The following SPAG16 variants were observed in gnomAD, a reference collection of about 807,000 sequenced individuals.
The protein encoded by SPAG16 is sperm-associated antigen 16 protein.
A neutral mutation model predicts 80.4 loss-of-function variants in SPAG16; 86 were observed. The observed-to-expected ratio is 1.07, with a 90% CI of 0.90 to 1.28. SPAG16 has a LOEUF of 1.28. Among genes scored for constraint, SPAG16 ranks in the 50% most tolerant of loss-of-function variants. The pLI is 0.00. For missense variants in SPAG16, 870 were observed against 765.3 expected (o/e 1.14, Z -1.61); for synonymous variants, 294 against 265.9 (o/e 1.11, Z -1.03).
intron 8 of SPAG16, chr2:213,365,135 G>A (rs1045741062): frequency 2.6e-5 from 4 of 152,176 alleles, no homozygotes; most frequent in African/African-American, 9.7e-5. Context: ...ACATCCTTTT[G>A]AGGAAGACAG....
intron 10 of SPAG16, among the ~76,000 whole-genome samples, chr2:213,649,828 G>A (rs1007603749): frequency 3.3e-5 from 5 of 151,992 alleles, no homozygotes; most frequent in Non-Finnish European, 7.4e-5. Context: ...TCTGAAACAT[G>A]AGCCACTGTG....
chr2:213,354,116 A>G (rs149464962), intron 7 of SPAG16, among the ~76,000 whole-genome samples: 2,969 of 152,162 alleles, frequency 0.02, 43 homozygotes, highest in Non-Finnish European at 0.03. Flanking sequence ...TTTCCCACCT[A>G]TGAGTGAGAA....
At chr2:213,597,821 A>G (rs372254431) in intron 10 of SPAG16, among the ~76,000 whole-genome samples, 4 of 152,290 alleles carry the variant, frequency 2.6e-5, no homozygotes, top group African/African-American at 9.6e-5. Flanking sequence ...AGGGCCTGCA[A>G]ACAGAAGTAT....
chr2:213,357,616 T>C (rs1407140063), intron 7 of SPAG16, among the ~76,000 whole-genome samples: 1 of 152,202 alleles, frequency 6.6e-6, no homozygotes, highest in Non-Finnish European at 1.5e-5. Flanking sequence ...TTGGTAGCTC[T>C]TCCTTCATCC....
At chr2:214,400,996 A>G (rs1286727760) in intron 15 of SPAG16, among the ~76,000 whole-genome samples, 1 of 151,986 alleles carries the variant, frequency 6.6e-6, no homozygotes, top group Non-Finnish European at 1.5e-5. Context: ...AAAATGCTGG[A>G]AAAGTTTTTA....
chr2:214,158,580 T>C (rs1312164729), intron 15 of SPAG16, among the ~76,000 whole-genome samples: 2 of 152,058 alleles, frequency 1.3e-5, no homozygotes, highest in Non-Finnish European at 2.9e-5. Flanking sequence ...CTCATTCTGA[T>C]TAAATCAGAG....
rs1491244962 is a variant in SPAG16 at position 213,869,265 on chromosome 2, A to AAAAAAAAAAAAATATATATATACG, written c.1214+6637_1214+6638insAAAAAAAAAAAATATATATATACG. Among the ~76,000 whole-genome samples the AAAAAAAAAAAAATATATATATACG allele has an allele frequency of 5.2e-4, 13 of 24,832 alleles. 1 individual carries two copies. Among genetic ancestry groups the AAAAAAAAAAAAATATATATATACG allele is most frequent in the Non-Finnish European group, 3.6e-3 (13 of 3,574 alleles). 16.3% of individuals were successfully genotyped at this position (24,832 alleles called of 152,430 possible). On this transcript the variant is annotated intron_variant, in intron 11 of 15. Coordinates refer to ENST00000331683, the MANE Select transcript of SPAG16 (RefSeq NM_024532.5). Reference sequence around the variant, plus strand: ...CTAAAGTCCATGTCAAAAAAAAAAAATATATATATATATATGTATATATAT... The same window carrying AAAAAAAAAAAAATATATATATACG: ...CTAAAGTCCATGTCAAAAAAAAAAAAAAAAAAAAAAAATATATATATACGTATATATATATATATGTATATATAT...
chr2:213,357,575 C>G (rs1480217018), intron 7 of SPAG16, among the ~76,000 whole-genome samples: 1 of 152,122 alleles, frequency 6.6e-6, no homozygotes, highest in Non-Finnish European at 1.5e-5. Context: ...ACTAGGATTG[C>G]AACCCCTGCT....
intron 12 of SPAG16, among the ~76,000 whole-genome samples, chr2:213,945,282 A>AAC (rs748950713): frequency 6.8e-6 from 1 of 147,368 alleles, no homozygotes; most frequent in Non-Finnish European, 1.5e-5. Flanking sequence ...TATATACACA[A>AAC]ACACACACAT....
chr2:213,460,587 C>T (rs967537524), intron 9 of SPAG16, among the ~76,000 whole-genome samples: 6 of 152,088 alleles, frequency 3.9e-5, no homozygotes, highest in African/African-American at 1.2e-4. Context: ...ATAATTTAAA[C>T]AAGGTTATCT....
chr2:213,889,554 T>C (rs1323662057), intron 11 of SPAG16, among the ~76,000 whole-genome samples: 2 of 151,146 alleles, frequency 1.3e-5, no homozygotes, highest in Non-Finnish European at 3.0e-5. Flanking sequence ...AGGGGGCTGT[T>C]CTCTGGCCAA....
At chr2:213,339,494 T>C (rs1308027625) in intron 5 of SPAG16, among the ~76,000 whole-genome samples, 2 of 152,218 alleles carry the variant, frequency 1.3e-5, no homozygotes, top group African/African-American at 4.8e-5. Context: ...AATGTTCACA[T>C]AGAACCTGGG....
chr2:213,467,808 T>C (rs1209338179), intron 9 of SPAG16, among the ~76,000 whole-genome samples: 3 of 152,222 alleles, frequency 2.0e-5, no homozygotes, highest in African/African-American at 2.4e-5. Flanking sequence ...CCTCCAGAGA[T>C]TGGACAGGGT....
chr2:214,017,604 G>C (rs368823779), intron 13 of SPAG16, among the ~76,000 whole-genome samples: 1 of 152,122 alleles, frequency 6.6e-6, no homozygotes, highest in Non-Finnish European at 1.5e-5. Flanking sequence ...GCATACAGCT[G>C]TTTATTGATG....
chr2:213,752,204 A>G (rs1353292100), intron 10 of SPAG16, among the ~76,000 whole-genome samples: 3 of 152,204 alleles, frequency 2.0e-5, no homozygotes, highest in African/African-American at 7.2e-5. Context: ...AGACTAGATA[A>G]GGACTTTGTC....
intron 10 of SPAG16, among the ~76,000 whole-genome samples, chr2:213,534,429 A>T (rs1013888215): frequency 5.9e-5 from 9 of 152,162 alleles, no homozygotes; most frequent in African/African-American, 1.9e-4. Flanking sequence ...CAAAAGACTT[A>T]TACAAAAATG....
intron 10 of SPAG16, among the ~76,000 whole-genome samples, chr2:213,588,101 G>A (rs963239852): frequency 7.2e-5 from 11 of 151,986 alleles, no homozygotes; most frequent in African/African-American, 2.2e-4. Context: ...TTTTAGTATG[G>A]TTCCTATATA....
At chr2:213,704,456 G>T (rs997908680) in intron 10 of SPAG16, among the ~76,000 whole-genome samples, 5 of 152,208 alleles carry the variant, frequency 3.3e-5, no homozygotes, top group Admixed American at 2.0e-4. Context: ...TGACATCACA[G>T]CCCACTTACA....
At chr2:213,802,985 A>G (rs1383174429) in intron 10 of SPAG16, among the ~76,000 whole-genome samples, 1 of 152,084 alleles carries the variant, frequency 6.6e-6, no homozygotes, top group Non-Finnish European at 1.5e-5. Context: ...TCTCATCTGG[A>G]TTATACTTCA....
Sources: allele counts gnomAD v4.1 joint callset (sites outside exome capture counted in the v4.1 genomes callset), GRCh38; gene constraint gnomAD v4.1.1; transcripts MANE v1.5; gene names NCBI Gene and HGNC (gene_info 2026-07-23, HGNC 2026-07-21).